CTNNA2: variants seen among roughly 807,000 people sequenced by gnomAD.
CTNNA2 encodes the protein catenin alpha 2, also known as catenin alpha-2.
In CTNNA2, 42 loss-of-function variants were observed where a neutral mutation model predicts 101.0. That is an observed-to-expected ratio of 0.42 (90% confidence interval 0.32 to 0.54). The LOEUF is 0.54. Among genes scored for constraint, CTNNA2 ranks in the 20% least tolerant of loss-of-function variants. The pLI, the probability that CTNNA2 is intolerant of heterozygous loss-of-function variation, is 0.14. For missense variants in CTNNA2, 871 were observed against 1,223.1 expected, an observed-to-expected ratio of 0.71 and a Z score of 4.29; for synonymous variants, 450 against 456.4, an observed-to-expected ratio of 0.99 and a Z score of 0.18.
intron 2 of CTNNA2, among the ~76,000 whole-genome samples, chr2:79,227,795 G>A (rs573004754): frequency 7.9e-5 from 12 of 152,062 alleles, no homozygotes; most frequent in Admixed American, 1.3e-4. Context: ...GGGTACACAC[G>A]CAGATTTGTT....
chr2:79,802,578 C>G (rs1026802706), intron 3 of CTNNA2, among the ~76,000 whole-genome samples: 1 of 152,132 alleles, frequency 6.6e-6, no homozygotes, highest in African/African-American at 2.4e-5. Flanking sequence ...TTTTCCTACC[C>G]TAGGAAGGCC....
chr2:79,988,508 T>G (rs1691934223), intron 7 of CTNNA2, among the ~76,000 whole-genome samples: 1 of 146,352 alleles, frequency 6.8e-6, no homozygotes, highest in Non-Finnish European at 1.5e-5. Context: ...GTGTATTAGC[T>G]TCTATGTGAG....
chr2:80,113,521 C>A (rs1701340045), intron 7 of CTNNA2, among the ~76,000 whole-genome samples: 1 of 152,134 alleles, frequency 6.6e-6, no homozygotes, highest in Non-Finnish European at 1.5e-5. Context: ...AGCTAGTGGG[C>A]CAAATCTGGC....
chr2:79,467,976 A>G (rs1397511760), intron 4 of CTNNA2, among the ~76,000 whole-genome samples: 2 of 152,180 alleles, frequency 1.3e-5, no homozygotes, highest in Non-Finnish European at 2.9e-5. Context: ...TCAACTAACA[A>G]GCAAAATAAC....
chr2:79,577,618 A>G (rs1168455743), intron 1 of CTNNA2, among the ~76,000 whole-genome samples: 1 of 152,066 alleles, frequency 6.6e-6, no homozygotes, highest in Non-Finnish European at 1.5e-5. Flanking sequence ...TAGATAGTCT[A>G]AGTATTATCT....
intron 6 of CTNNA2, among the ~76,000 whole-genome samples, chr2:79,905,290 A>G (rs937674768): frequency 1.3e-5 from 2 of 152,226 alleles, no homozygotes; most frequent in Non-Finnish European, 2.9e-5. Context: ...AAAAAGATAA[A>G]ATAAGAAATG....
At chr2:79,758,638 T>A (rs1558903973) in intron 3 of CTNNA2, among the ~76,000 whole-genome samples, 1 of 152,168 alleles carries the variant, frequency 6.6e-6, no homozygotes, top group Non-Finnish European at 1.5e-5. Flanking sequence ...ATTGTCACCA[T>A]CTTTATGTCC....
At chr2:79,993,599 C>T (rs1373652688) in intron 7 of CTNNA2, among the ~76,000 whole-genome samples, 2 of 146,660 alleles carry the variant, frequency 1.4e-5, no homozygotes, top group Non-Finnish European at 3.0e-5. Flanking sequence ...AAGGCAGTGG[C>T]ACTGTTAGGG....
At chr2:80,212,597 A>G (rs1468837665) in intron 7 of CTNNA2, among the ~76,000 whole-genome samples, 3 of 152,058 alleles carry the variant, frequency 2.0e-5, no homozygotes, top group Non-Finnish European at 4.4e-5. Context: ...AAACTTTTTG[A>G]TGTGCTGCCG....
At chr2:79,692,160 C>T (rs965728336) in intron 2 of CTNNA2, among the ~76,000 whole-genome samples, 1 of 152,062 alleles carries the variant, frequency 6.6e-6, no homozygotes, top group African/African-American at 2.4e-5. Flanking sequence ...CTACAAAGAA[C>T]TTAAACAAAC....
intron 7 of CTNNA2, among the ~76,000 whole-genome samples, chr2:79,984,917 A>C (rs1691655769): frequency 6.6e-6 from 1 of 152,210 alleles, no homozygotes; most frequent in Non-Finnish European, 1.5e-5. Context: ...CCACAGGCCA[A>C]ATTGCCTGTT....
At chr2:80,014,447 A>T (rs1693997267) in intron 7 of CTNNA2, among the ~76,000 whole-genome samples, 1 of 152,050 alleles carries the variant, frequency 6.6e-6, no homozygotes, top group Admixed American at 6.6e-5. Context: ...TATTTTCTAT[A>T]ATAAAGCCTT....
intron 4 of CTNNA2, among the ~76,000 whole-genome samples, chr2:79,433,903 A>G (rs997580496): frequency 6.6e-6 from 1 of 152,204 alleles, no homozygotes. Flanking sequence ...TATTTGTTGA[A>G]AAATGAATGA....
intron 3 of CTNNA2, among the ~76,000 whole-genome samples, chr2:79,818,821 T>TTTTATATATATATATATATATATATA (rs1553373413): frequency 0.021 from 1,583 of 73,706 alleles, 214 homozygotes; most frequent in South Asian, 0.028. Flanking sequence ...CAAAATGCAA[T>TTTTATATATATATATATATATATATA]TATATATATA....
intron 7 of CTNNA2, among the ~76,000 whole-genome samples, chr2:80,349,823 T>C (rs576500846): frequency 6.6e-6 from 1 of 152,256 alleles, no homozygotes; most frequent in East Asian, 1.9e-4. Flanking sequence ...TGGGCTCTCC[T>C]GTTCATTTTC....
At chr2:80,577,031 G>A (rs216616) in intron 13 of CTNNA2, among the ~76,000 whole-genome samples, 86,879 of 151,834 alleles carry the variant, frequency 0.57, 25,649 homozygotes, top group Non-Finnish European at 0.65. Flanking sequence ...TAATCAACGT[G>A]GCCTCTTAAG....
At chr2:79,930,317 AAAG>A (rs2104417794) in intron 7 of CTNNA2, among the ~76,000 whole-genome samples, 2 of 136,094 alleles carry the variant, frequency 1.5e-5, no homozygotes, top group African/African-American at 3.1e-5. Flanking sequence ...AGAAAGAAAG[AAAG>A]AAAGAAAGAA....
intron 7 of CTNNA2, among the ~76,000 whole-genome samples, chr2:79,920,714 G>C (rs181221536): frequency 6.6e-6 from 1 of 152,158 alleles, no homozygotes; most frequent in East Asian, 1.9e-4. Flanking sequence ...GCAGTGCCCA[G>C]GCTTTTCACT....
At chr2:79,976,019 A>G (rs1358222108) in intron 7 of CTNNA2, among the ~76,000 whole-genome samples, 3 of 152,124 alleles carry the variant, frequency 2.0e-5, no homozygotes, top group African/African-American at 7.2e-5. Context: ...TCTTCTGGTG[A>G]CCAGCTCCCA....
Sources: allele counts gnomAD v4.1 joint callset (sites outside exome capture counted in the v4.1 genomes callset), GRCh38; gene constraint gnomAD v4.1.1; transcripts MANE v1.5; gene names NCBI Gene and HGNC (gene_info 2026-07-23, HGNC 2026-07-21).